CPA6: variants seen among roughly 807,000 people sequenced by gnomAD.
The protein encoded by CPA6 is carboxypeptidase B.
CPA6 carries 58 observed loss-of-function variants against 63.3 expected under a neutral mutation model. That is an observed-to-expected ratio of 0.92 (90% CI 0.74 to 1.14). The LOEUF is 1.14. CPA6 is among the 50% of genes most tolerant of loss of function. The pLI is 0.00. For missense variants in CPA6, 565 were observed against 526.6 expected, an observed-to-expected ratio of 1.07 and a Z score of -0.71; for synonymous variants, 185 against 179.0, an observed-to-expected ratio of 1.03 and a Z score of -0.27.
chr8:67,723,772 A>G (rs1817547777), intron 1 of CPA6, among the ~76,000 whole-genome samples: 1 of 152,226 alleles, frequency 6.6e-6, no homozygotes, highest in Non-Finnish European at 1.5e-5. Context: ...CCATATAAAG[A>G]TCTAAATGTA....
chr8:67,434,018 G>C lies in CPA6; in HGVS notation c.1041+20C>G. 6.4e-7 allele frequency: 1 copy of C among 1,571,890 alleles called. No homozygotes were observed. Among genetic ancestry groups the C allele is most frequent in the Non-Finnish European group, 8.7e-7 (1 of 1,143,420 alleles). On this transcript the variant is annotated intron_variant, in intron 9 of 10. Coordinates refer to ENST00000297770, the MANE Select transcript of CPA6 (RefSeq NM_020361.5). The stretch of plus-strand genomic sequence containing the variant: ...AAGCAGCATGAAGCCTGATGTACAT[G>C]CACAGGGTCAAATACTTACCACACA...
At chr8:67,707,162 C>A (rs1817154799) in intron 1 of CPA6, among the ~76,000 whole-genome samples, 1 of 152,118 alleles carries the variant, frequency 6.6e-6, no homozygotes, top group Admixed American at 6.6e-5. Flanking sequence ...CTAACAGGTG[C>A]TCTTAAATGC....
At chr8:67,645,275 C>T (rs1374883078) in intron 1 of CPA6, among the ~76,000 whole-genome samples, 1 of 152,122 alleles carries the variant, frequency 6.6e-6, no homozygotes. Flanking sequence ...AGGAATGGGA[C>T]TTGATAATTT....
intron 1 of CPA6, among the ~76,000 whole-genome samples, chr8:67,702,118 A>G (rs1235013941): frequency 6.6e-6 from 1 of 152,154 alleles, no homozygotes; most frequent in Admixed American, 6.5e-5. Flanking sequence ...ATTTGGTGAT[A>G]AGCAGCTTCC....
rs564534038 is a variant in CPA6, at chr8:67,553,623, G to A, written c.193-35576C>T. 1.3e-4 allele frequency among the ~76,000 whole-genome samples: 20 copies of A among 152,218 alleles called. No individual in the cohort carries two copies. In the South Asian group the frequency reaches 3.9e-3, roughly 30 times the overall value. On this transcript the variant is annotated intron_variant, in intron 2 of 10. Coordinates refer to ENST00000297770, the MANE Select transcript of CPA6 (RefSeq NM_020361.5). ...ATTTGTCTACTTTTGAGATATTAGAGTGGAAAAAATAATCATTTTCCTCTT... is the reference window on the plus strand; with the variant it reads ...ATTTGTCTACTTTTGAGATATTAGAATGGAAAAAATAATCATTTTCCTCTT...
chr8:67,453,069 TA>T (rs1810589244), intron 8 of CPA6, among the ~76,000 whole-genome samples: 1 of 151,990 alleles, frequency 6.6e-6, no homozygotes, highest in African/African-American at 2.4e-5. Flanking sequence ...ACTTATATTT[TA>T]AAAGGTTCAT....
At chr8:67,688,697 A>T (rs989815450) in intron 1 of CPA6, among the ~76,000 whole-genome samples, 3 of 152,082 alleles carry the variant, frequency 2.0e-5, no homozygotes, top group Non-Finnish European at 4.4e-5. Context: ...CTTCTCTCCT[A>T]GTTTCGGTTT....
chr8:67,577,912 T>C (rs529842704), intron 2 of CPA6, among the ~76,000 whole-genome samples: 14 of 152,288 alleles, frequency 9.2e-5, no homozygotes, highest in Admixed American at 5.2e-4. Flanking sequence ...ACCCAGTACA[T>C]CAACTCACCT....
chr8:67,571,537 A>G lies in CPA6; in HGVS notation c.192+52639T>C, dbSNP rs139784740. On this transcript the variant is annotated intron_variant, in intron 2 of 10. Transcript: ENST00000297770. ...CATAACGGTATGAAACTAAAAACTA[A>G]CAACAGGAGAAATTTCAGAAAATTC... 4.2e-3 allele frequency among the ~76,000 whole-genome samples: 646 copies of G among 152,332 alleles called. 3 individuals carry two copies. Among genetic ancestry groups the G allele is most frequent in the African/African-American group, 0.014 (601 of 41,578 alleles).
At chr8:67,675,264 A>T (rs1386636290) in intron 1 of CPA6, among the ~76,000 whole-genome samples, 1 of 152,108 alleles carries the variant, frequency 6.6e-6, no homozygotes, top group Non-Finnish European at 1.5e-5. Context: ...TTTCCCCACC[A>T]GACATAGACC....
At chr8:67,517,902 C>G (rs866090970) in intron 3 of CPA6, 21 bp downstream of exon 3, 1 of 1,586,620 alleles carries the variant, frequency 6.3e-7, no homozygotes, top group South Asian at 1.2e-5. Context: ...AATTTTATAG[C>G]AAGTGAAAAG....
intron 1 of CPA6, among the ~76,000 whole-genome samples, chr8:67,692,324 G>C (rs1166164183): frequency 8.3e-5 from 8 of 96,636 alleles, no homozygotes; most frequent in Non-Finnish European, 1.3e-4. Flanking sequence ...GTGAAATCCT[G>C]TCTCAAAAAA....
chr8:67,559,704 A>C (rs1257562096), intron 2 of CPA6, among the ~76,000 whole-genome samples: 1 of 152,094 alleles, frequency 6.6e-6, no homozygotes, highest in Non-Finnish European at 1.5e-5. Context: ...GATGAACCTT[A>C]GTATAAAACC....
At chr8:67,702,730 C>T (rs145676217) in intron 1 of CPA6, among the ~76,000 whole-genome samples, 16 of 152,268 alleles carry the variant, frequency 1.1e-4, no homozygotes, top group East Asian at 1.9e-4. Context: ...AACCACACTG[C>T]GCATACGGCC....
At chr8:67,581,727 G>A (rs1383149239) in intron 2 of CPA6, among the ~76,000 whole-genome samples, 1 of 152,174 alleles carries the variant, frequency 6.6e-6, no homozygotes, top group Non-Finnish European at 1.5e-5. Context: ...GTGTAAATAG[G>A]TCAGCCACTA....
intron 1 of CPA6, among the ~76,000 whole-genome samples, chr8:67,695,766 T>C (rs1424116125): frequency 1.3e-5 from 2 of 152,180 alleles, no homozygotes; most frequent in African/African-American, 4.8e-5. Flanking sequence ...CTCTACATGT[T>C]TTAAATCAGT....
intron 5 of CPA6, 26 bp from the exon 6 acceptor site, chr8:67,506,914 C>T (rs767118460): frequency 6.7e-7 from 1 of 1,498,126 alleles, no homozygotes; most frequent in African/African-American, 1.4e-5. Flanking sequence ...TTCACAGTAA[C>T]CAACTCAGGC....
At chr8:67,670,633 G>A (rs568427770) in intron 1 of CPA6, among the ~76,000 whole-genome samples, 104 of 152,220 alleles carry the variant, frequency 6.8e-4, no homozygotes, top group South Asian at 1.9e-3. Flanking sequence ...GGGATAGTCC[G>A]AGGGAATAAA....
chr8:67,472,412 C>CTTATTTTATTTTATTTTATTTTATT (rs76537277), intron 8 of CPA6, among the ~76,000 whole-genome samples: 2 of 57,732 alleles, frequency 3.5e-5, no homozygotes, highest in African/African-American at 2.9e-4. Context: ...TTTATCTTAT[C>CTTATTTTATTTTATTTTATTTTATT]TTATTTTATT....
Sources: allele counts gnomAD v4.1 joint callset (sites outside exome capture counted in the v4.1 genomes callset), GRCh38; gene constraint gnomAD v4.1.1; transcripts MANE v1.5; gene names NCBI Gene and HGNC (gene_info 2026-07-23, HGNC 2026-07-21).